ZNF804A: variants seen among roughly 807,000 people sequenced by gnomAD.
The protein encoded by ZNF804A is zinc finger protein 804A.
A neutral mutation model predicts 16.5 loss-of-function variants in ZNF804A; 2 were observed. The observed-to-expected ratio is 0.12, with a 90% CI of 0.05 to 0.38. The LOEUF (loss-of-function observed/expected upper bound fraction) is 0.38, where lower values mean the gene tolerates loss of function less well. Among genes scored for constraint, ZNF804A ranks in the 10% least tolerant of loss-of-function variants. ZNF804A has a pLI of 0.99. For synonymous variants in ZNF804A, 534 were observed against 489.6 expected (o/e 1.09, Z -1.20); for missense variants, 1,473 against 1,390.7 (o/e 1.06, Z -0.94).
chr2:184,916,420 G>C (rs984676187), intron 2 of ZNF804A, among the ~76,000 whole-genome samples: 1 of 152,096 alleles, frequency 6.6e-6, no homozygotes, highest in African/African-American at 2.4e-5. Context: ...ATAAAAACTT[G>C]AAGGGATTTT....
chr2:184,820,515 GATGACCTCT>G (rs1278193548), intron 1 of ZNF804A, among the ~76,000 whole-genome samples: 1 of 152,082 alleles, frequency 6.6e-6, no homozygotes, highest in Non-Finnish European at 1.5e-5. Context: ...ACAAGAAAAG[GATGACCTCT>G]CTCACCACTG....
At chr2:184,803,352 T>C (rs1694753783) in intron 1 of ZNF804A, among the ~76,000 whole-genome samples, 1 of 152,208 alleles carries the variant, frequency 6.6e-6, no homozygotes, top group African/African-American at 2.4e-5. Flanking sequence ...CCATCATTCT[T>C]TATTATACTT....
chr2:184,631,043 T>C (rs1361733475), intron 1 of ZNF804A, among the ~76,000 whole-genome samples: 1 of 152,180 alleles, frequency 6.6e-6, no homozygotes, highest in African/African-American at 2.4e-5. Flanking sequence ...CTAAAGCATA[T>C]TGAAATTTGG....
intron 1 of ZNF804A, among the ~76,000 whole-genome samples, chr2:184,801,170 A>G (rs1260869045): frequency 2.0e-5 from 3 of 152,202 alleles, no homozygotes; most frequent in East Asian, 1.9e-4. Context: ...TCTGTTGACA[A>G]TTGTCTACAA....
At chr2:184,862,137 G>T (rs1250630999) in intron 1 of ZNF804A, among the ~76,000 whole-genome samples, 5 of 152,110 alleles carry the variant, frequency 3.3e-5, no homozygotes, top group Non-Finnish European at 7.4e-5. Flanking sequence ...GTATATATAA[G>T]AACGGCTGTG....
chr2:184,796,408 T>A (rs1694629916), intron 1 of ZNF804A, among the ~76,000 whole-genome samples: 1 of 152,108 alleles, frequency 6.6e-6, no homozygotes, highest in Non-Finnish European at 1.5e-5. Context: ...TTGTTGCTTG[T>A]TATTGGTCTG....
At chr2:184,733,965 T>A (rs1275801912) in intron 1 of ZNF804A, among the ~76,000 whole-genome samples, 1 of 152,160 alleles carries the variant, frequency 6.6e-6, no homozygotes, top group East Asian at 1.9e-4. Flanking sequence ...AAGAACCAGC[T>A]TTTGATGTCT....
intron 1 of ZNF804A, among the ~76,000 whole-genome samples, chr2:184,697,061 T>A (rs893521682): frequency 6.6e-6 from 1 of 152,044 alleles, no homozygotes; most frequent in Non-Finnish European, 1.5e-5. Context: ...ATATGATTAC[T>A]CTTTACAGTG....
At chr2:184,856,963 C>A (rs1208196973) in intron 1 of ZNF804A, among the ~76,000 whole-genome samples, 1 of 151,892 alleles carries the variant, frequency 6.6e-6, no homozygotes, top group African/African-American at 2.4e-5. Flanking sequence ...TTTTTCTAGT[C>A]TTTCTCTCAT....
At chr2:184,736,298 C>T (rs774622068) in intron 1 of ZNF804A, among the ~76,000 whole-genome samples, 9 of 151,824 alleles carry the variant, frequency 5.9e-5, no homozygotes, top group Non-Finnish European at 1.2e-4. Context: ...TATTTTTGTT[C>T]GATATTATTT....
At chr2:184,661,218 C>G (rs1692170901) in intron 1 of ZNF804A, among the ~76,000 whole-genome samples, 1 of 152,042 alleles carries the variant, frequency 6.6e-6, no homozygotes, top group African/African-American at 2.4e-5. Flanking sequence ...AGTTACAGCC[C>G]TTTTTATCTT....
chr2:184,895,237 T>A (rs13402566), intron 2 of ZNF804A, among the ~76,000 whole-genome samples: 22,064 of 150,034 alleles, frequency 0.15, 1,728 homozygotes, highest in Middle Eastern at 0.23. Context: ...TGTGTGTGTG[T>A]GAGAGAGAGA....
chr2:184,767,423 A>G (rs1243770498), intron 1 of ZNF804A, among the ~76,000 whole-genome samples: 1 of 152,138 alleles, frequency 6.6e-6, no homozygotes, highest in Non-Finnish European at 1.5e-5. Flanking sequence ...AGAAAGTAGA[A>G]TGAGTTACCA....
chr2:184,884,564 C>T (rs1474345396), intron 2 of ZNF804A, among the ~76,000 whole-genome samples: 1 of 151,932 alleles, frequency 6.6e-6, no homozygotes, highest in African/African-American at 2.4e-5. Context: ...CACTGTAAAA[C>T]TATGGTAACC....
chr2:184,602,021 T>C (rs1049400533), intron 1 of ZNF804A, among the ~76,000 whole-genome samples: 3 of 151,984 alleles, frequency 2.0e-5, no homozygotes, highest in African/African-American at 4.8e-5. Context: ...TTAGTGCCAG[T>C]GATTAATTGC....
intron 1 of ZNF804A, among the ~76,000 whole-genome samples, chr2:184,621,531 A>G (rs1339405619): frequency 6.6e-6 from 1 of 151,718 alleles, no homozygotes; most frequent in Non-Finnish European, 1.5e-5. Flanking sequence ...TGGTGTGTAC[A>G]TATTCATTTA....
At chr2:184,912,266 G>A (rs1361594808) in intron 2 of ZNF804A, among the ~76,000 whole-genome samples, 2 of 151,966 alleles carry the variant, frequency 1.3e-5, no homozygotes, top group African/African-American at 4.8e-5. Flanking sequence ...TTTGTGTCTG[G>A]CTTATTTCCC....
At chr2:184,658,242 G>A (rs576305835) in intron 1 of ZNF804A, among the ~76,000 whole-genome samples, 83 of 152,256 alleles carry the variant, frequency 5.5e-4, no homozygotes, top group Non-Finnish European at 8.8e-4. Context: ...CCTGCACTTT[G>A]GGAGGCCAAG....
intron 2 of ZNF804A, among the ~76,000 whole-genome samples, chr2:184,920,487 A>G (rs1166697212): frequency 2.0e-5 from 3 of 152,148 alleles, no homozygotes; most frequent in Non-Finnish European, 2.9e-5. Flanking sequence ...GCGGACCTCT[A>G]TGGTTAACAC....
Sources: allele counts gnomAD v4.1 joint callset (sites outside exome capture counted in the v4.1 genomes callset), GRCh38; gene constraint gnomAD v4.1.1; transcripts MANE v1.5; gene names NCBI Gene and HGNC (gene_info 2026-07-23, HGNC 2026-07-21).